Variants in YTHDC2 observed in about 807,000 individuals in gnomAD.
YTHDC2 encodes 3'-5' RNA helicase YTHDC2.
Under a neutral mutation model 174.9 loss-of-function variants are expected in YTHDC2, and 45 were observed. That is an observed-to-expected ratio of 0.26 (90% CI 0.20 to 0.33). The LOEUF (loss-of-function observed/expected upper bound fraction) is 0.33, where lower values mean the gene tolerates loss of function less well. YTHDC2 is among the 10% of genes least tolerant of loss of function. The pLI is 1.00. For synonymous variants in YTHDC2, 657 were observed against 574.5 expected (o/e 1.14, Z -2.05); for missense variants, 1,650 against 1,723.7 (o/e 0.96, Z 0.76).
Position 113,567,254 on chromosome 5 carries a change from G to A in YTHDC2, c.3005G>A (p.Arg1002Gln), listed in dbSNP as rs747227544. The change falls in exon 22 of 30, where the codon CGA (arginine) becomes CAA (glutamine). Residue 1002 changes from arginine to glutamine, a missense_variant. Around this residue, in one of 5 missense-constraint regions of YTHDC2, gnomAD observed 913 missense variants for 940.4 expected, o/e 0.97. Transcript: ENST00000161863. ...ACAGGGCCAAAGGAGAAAAAAGTAC[G>A]ATTTCATCCTGCTTCAGTTCTCAGT... is the stretch of plus-strand genomic sequence containing the variant. ...VLTGPKEKKV[R>Q]FHPASVLSQP... The A allele has an allele frequency of 1.4e-5, 23 of 1,612,626 alleles. No homozygotes were observed. The highest frequency in any genetic ancestry group is 8.4e-5 in the Admixed American group (5 of 59,606).
At position 113,567,703 on chromosome 5, in the gene YTHDC2, A is replaced by G; in HGVS notation, c.3098A>G (p.Asp1033Gly). 3.1e-6 allele frequency: 5 copies of G among 1,608,494 alleles called. No homozygotes were observed. The highest frequency in any genetic ancestry group is 4.2e-6 in the Non-Finnish European group (5 of 1,177,802). Reference protein sequence around the residue: ...QAAAIKALPTDWLIYDEMTRA... With the variant: ...QAAAIKALPTGWLIYDEMTRA... ...GCAGCAATTAAGGCACTGCCCACAGATTGGCTTATTTATGATGAAATGACC... is the reference window on the plus strand; with the variant it reads ...GCAGCAATTAAGGCACTGCCCACAGGTTGGCTTATTTATGATGAAATGACC... The change falls in exon 23 of 30, where the codon GAT becomes GGT. Residue 1033 changes from aspartate to glycine, a missense_variant. By Grantham distance (94) the Asp-to-Gly change is moderately conservative. This residue lies in a region of YTHDC2 where 913 missense variants were observed against 940.4 expected (regional missense o/e 0.97). Transcript: ENST00000161863.
intron 21 of YTHDC2, among the ~76,000 whole-genome samples, 179 bp from the exon 22 acceptor site, chr5:113,566,913 C>G (rs1267601730): frequency 6.6e-6 from 1 of 152,084 alleles, no homozygotes; most frequent in African/African-American, 2.4e-5. Context: ...GGTTCTGTAT[C>G]TGTTTTAGGG....
chr5:113,522,512 A>C (rs1055361225), intron 2 of YTHDC2, among the ~76,000 whole-genome samples: 5 of 152,140 alleles, frequency 3.3e-5, no homozygotes, highest in Admixed American at 6.5e-5. Context: ...TCAAAATTGC[A>C]TATGGGGTTT....
At chr5:113,562,135 G>T (rs977355756) in intron 18 of YTHDC2, among the ~76,000 whole-genome samples, 5 of 150,842 alleles carry the variant, frequency 3.3e-5, no homozygotes, top group African/African-American at 1.2e-4. Flanking sequence ...AGGATAATGT[G>T]TTAAACATCC....
intron 8 of YTHDC2, 21 bp from the exon 9 acceptor site, chr5:113,540,947 T>A: frequency 6.2e-7 from 1 of 1,600,394 alleles, no homozygotes; most frequent in South Asian, 1.1e-5. Flanking sequence ...CTACATATTC[T>A]TTCTTTGATA....
intron 16 of YTHDC2, 23 bp from the exon 17 acceptor site, chr5:113,556,029 T>TA (rs745394825): frequency 1.3e-5 from 18 of 1,432,010 alleles, no homozygotes; most frequent in Admixed American, 3.4e-5. Flanking sequence ...TATTCTAACA[T>TA]AAAGATGGTT....
intron 26 of YTHDC2, among the ~76,000 whole-genome samples, chr5:113,588,597 CATTTATTTATTT>C (rs139378923): frequency 3.4e-5 from 5 of 148,818 alleles, no homozygotes; most frequent in South Asian, 2.1e-4. Flanking sequence ...CTTATGAAGC[CATTTATTTATTT>C]ATTTATTTAT....
chr5:113,591,524 C>T (rs1335931973), intron 27 of YTHDC2, among the ~76,000 whole-genome samples: 3 of 152,090 alleles, frequency 2.0e-5, no homozygotes, highest in African/African-American at 7.2e-5. Context: ...TAATGAGAAG[C>T]TTGACCTTTT....
At position 113,513,783 on chromosome 5, in the gene YTHDC2, A is replaced by G; in HGVS notation, c.-113A>G. The G allele has an allele frequency of 8.1e-7, 1 of 1,240,500 alleles. No homozygotes were observed. The highest frequency in any genetic ancestry group is 2.8e-5 in the East Asian group (1 of 36,254). The allele number at this position is 1,240,500 out of a possible 1,614,324, so 76.8% of individuals were successfully genotyped here. Reference sequence around the variant, plus strand: ...CTTTCTGGTGACCTCAGCCCAACACAGGCCGTCTCCGGAGCTTCCCGGTAG... The same window carrying G: ...CTTTCTGGTGACCTCAGCCCAACACGGGCCGTCTCCGGAGCTTCCCGGTAG... On this transcript the variant is annotated 5_prime_UTR_variant, in exon 1 of 30. Coordinates refer to ENST00000161863, the MANE Select transcript of YTHDC2 (RefSeq NM_022828.5).
intron 2 of YTHDC2, among the ~76,000 whole-genome samples, chr5:113,518,254 A>C (rs1428112830): frequency 3.5e-5 from 5 of 142,758 alleles, no homozygotes; most frequent in African/African-American, 1.3e-4. Flanking sequence ...AGTGCAGTGG[A>C]ATGATGACGG....
intron 28 of YTHDC2, 64 bp from the exon 29 acceptor site, chr5:113,593,239 T>C: frequency 8.5e-7 from 1 of 1,179,500 alleles, no homozygotes; most frequent in Non-Finnish European, 1.3e-6. Flanking sequence ...CAGTGTAGGT[T>C]TTGGTCATTA....
At chr5:113,542,030 A>G (rs1009560820) in intron 9 of YTHDC2, among the ~76,000 whole-genome samples, 1 of 152,166 alleles carries the variant, frequency 6.6e-6, no homozygotes, top group African/African-American at 2.4e-5. Flanking sequence ...AGTATTAAAA[A>G]GCTCCAGGTG....
chr5:113,570,024 G>A (rs538584307), intron 23 of YTHDC2, among the ~76,000 whole-genome samples: 4 of 152,202 alleles, frequency 2.6e-5, no homozygotes, highest in South Asian at 4.1e-4. Flanking sequence ...GCAGTGATAC[G>A]TAGTTCTCCT....
In YTHDC2 at chr5:113,548,936, A is replaced by G. The variant is rs1580549724; in HGVS notation, c.1623-19A>G. 1.2e-6 allele frequency: 2 copies of G among 1,609,046 alleles called. No homozygotes were observed. Among genetic ancestry groups the G allele is most frequent in the Non-Finnish European group, 8.5e-7 (1 of 1,177,426 alleles). On this transcript the variant is annotated intron_variant, in intron 11 of 29. Transcript: ENST00000161863. ...TTACAATTTTGATGACATCTTATAT[A>G]TCCTTTGAATTTTGGCAGGATGGCA...
chr5:113,525,985 A>G (rs1774202778), intron 3 of YTHDC2, among the ~76,000 whole-genome samples: 1 of 152,132 alleles, frequency 6.6e-6, no homozygotes, highest in Admixed American at 6.5e-5. Context: ...GTTTAGTTAA[A>G]TGTGGATGTT....
intron 25 of YTHDC2, chr5:113,582,047 T>A (rs1778435042): frequency 6.2e-6 from 1 of 161,480 alleles, no homozygotes; most frequent in African/African-American, 2.4e-5. Context: ...ATATGTGAAG[T>A]AACATTTTAC....
At chr5:113,563,234 C>A in intron 18 of YTHDC2, 139 bp from the exon 19 acceptor site, 2 of 655,798 alleles carry the variant, frequency 3.0e-6, no homozygotes, top group Non-Finnish European at 4.7e-6. Context: ...TACAGAAAGA[C>A]ATTGTTCCTT....
rs867826411 is a variant in YTHDC2, at chr5:113,553,864, A to G, written c.2052+10A>G. The G allele has an allele frequency of 4.4e-6, 7 of 1,577,376 alleles. No individual in the cohort carries two copies. In the Middle Eastern group the frequency reaches 1.0e-3, roughly 228 times the overall value. On this transcript the variant is annotated intron_variant, in intron 15 of 29. Coordinates refer to ENST00000161863, the MANE Select transcript of YTHDC2 (RefSeq NM_022828.5). ...AGGTGTTCGAAAAATAGTAAGCTTC[A>G]TAAAATCTTCTTTTTAACACTTTCA...
At chr5:113,533,097 T>C (rs1774793491) in intron 5 of YTHDC2, 52 bp downstream of exon 5, 11 of 1,574,480 alleles carry the variant, frequency 7.0e-6, no homozygotes, top group Admixed American at 1.8e-5. Flanking sequence ...AAAAAGACTA[T>C]GTATATTTCA....
Sources: gnomAD v4.1 joint callset for allele counts (sites outside exome capture counted in the v4.1 genomes callset) on GRCh38, gnomAD v4.1.1 for gene constraint, gnomAD v4.1.1 regional missense constraint, MANE v1.5 for transcripts, NCBI Gene and HGNC (gene_info 2026-07-23, HGNC 2026-07-21) for gene names.